Variants in CNTNAP2 observed in about 807,000 individuals in gnomAD.
CNTNAP2 encodes contactin associated protein 2.
In CNTNAP2, 98 loss-of-function variants were observed where a neutral mutation model predicts 155.2. The ratio of observed to expected loss-of-function variants is 0.63; its 90% confidence interval spans 0.54 to 0.75. The LOEUF is 0.75. CNTNAP2 is among the 30% of genes least tolerant of loss of function. The probability of loss-of-function intolerance (pLI) is 0.00; values close to 1 mark genes in which losing one functional copy is unlikely to be tolerated. For missense variants in CNTNAP2, 1,727 were observed against 1,688.1 expected, an observed-to-expected ratio of 1.02 and a Z score of -0.40; for synonymous variants, 651 against 631.2, an observed-to-expected ratio of 1.03 and a Z score of -0.47.
chr7:146,658,904 T>G (rs142565447), intron 1 of CNTNAP2, among the ~76,000 whole-genome samples: 6 of 152,214 alleles, frequency 3.9e-5, no homozygotes, highest in Non-Finnish European at 7.4e-5. Flanking sequence ...AGGCAGAGAT[T>G]AGAAGGTGCT....
intron 1 of CNTNAP2, among the ~76,000 whole-genome samples, chr7:146,212,695 G>A (rs1428018082): frequency 6.6e-6 from 1 of 152,154 alleles, no homozygotes. Flanking sequence ...TCATCAGGGT[G>A]ATGAAAAGGT....
chr7:147,224,986 A>T (rs2116603044), intron 8 of CNTNAP2, among the ~76,000 whole-genome samples: 1 of 152,332 alleles, frequency 6.6e-6, no homozygotes, highest in East Asian at 1.9e-4. Flanking sequence ...TTTTAAAAGC[A>T]AATCTCCCTT....
At chr7:148,009,542 T>A (rs112509414) in intron 15 of CNTNAP2, among the ~76,000 whole-genome samples, 1,850 of 152,266 alleles carry the variant, frequency 0.012, 18 homozygotes, top group Non-Finnish European at 0.017. Flanking sequence ...ATTTGAACCA[T>A]GTTGGGAGAC....
chr7:148,331,600 G>A (rs1441829246), intron 21 of CNTNAP2, among the ~76,000 whole-genome samples: 1 of 152,240 alleles, frequency 6.6e-6, no homozygotes, highest in Non-Finnish European at 1.5e-5. Context: ...TGGAATGGAT[G>A]GATGGAATGG....
Position 147,916,665 on chromosome 7 carries a change from G to A in CNTNAP2, c.2255+12944G>A, listed in dbSNP as rs558121709. On this transcript the variant is annotated intron_variant, in intron 14 of 23. Transcript: ENST00000361727. ...ACTTGCTTGAAAAAGAGGGAGAGCT[G>A]TTATGTTTTCTGAAAAAAAAAAAAA... is the stretch of plus-strand genomic sequence containing the variant. 4.9e-5 allele frequency among the ~76,000 whole-genome samples: 7 copies of A among 142,520 alleles called. No homozygotes were observed. In the South Asian group the frequency reaches 1.7e-3, roughly 34 times the overall value. 93.5% of individuals were successfully genotyped at this position (142,520 alleles called of 152,430 possible).
chr7:147,449,373 A>G (rs1483969560), intron 10 of CNTNAP2, among the ~76,000 whole-genome samples: 1 of 152,122 alleles, frequency 6.6e-6, no homozygotes. Flanking sequence ...GGGCCTCACT[A>G]TGCAAATCTG....
intron 1 of CNTNAP2, among the ~76,000 whole-genome samples, chr7:146,346,125 G>A (rs1188875413): frequency 6.6e-6 from 1 of 152,170 alleles, no homozygotes; most frequent in Non-Finnish European, 1.5e-5. Context: ...AAGAACACAT[G>A]AGTTCTTCCA....
At chr7:146,577,657 A>C (rs1411716274) in intron 1 of CNTNAP2, among the ~76,000 whole-genome samples, 2 of 152,128 alleles carry the variant, frequency 1.3e-5, no homozygotes, top group South Asian at 2.1e-4. Context: ...AAACTCTTGA[A>C]TATCTACATA....
chr7:146,758,377 G>A (rs1480232286), intron 1 of CNTNAP2, among the ~76,000 whole-genome samples: 1 of 152,136 alleles, frequency 6.6e-6, no homozygotes, highest in Non-Finnish European at 1.5e-5. Context: ...CATGGAAGAG[G>A]TTATCCCAGG....
chr7:146,295,009 A>G (rs1047203385), intron 1 of CNTNAP2, among the ~76,000 whole-genome samples: 9 of 152,214 alleles, frequency 5.9e-5, no homozygotes, highest in Non-Finnish European at 1.3e-4. Flanking sequence ...ATCTACATAT[A>G]CAAAATTACC....
At chr7:147,065,727 T>C (rs189146344) in intron 4 of CNTNAP2, among the ~76,000 whole-genome samples, 26 of 152,308 alleles carry the variant, frequency 1.7e-4, no homozygotes, top group Admixed American at 5.2e-4. Context: ...AAACTGGTTA[T>C]TATACTGAAT....
At position 147,179,349 on chromosome 7, in the gene CNTNAP2, C is replaced by T. The variant is rs1381459077; in HGVS notation, c.1348+46840C>T. Among the ~76,000 whole-genome samples the T allele has an allele frequency of 3.9e-5, 6 of 152,102 alleles. No individual in the cohort carries two copies. In the South Asian group the frequency reaches 8.3e-4, roughly 21 times the overall value. On this transcript the variant is annotated intron_variant, in intron 8 of 23. Coordinates refer to ENST00000361727, the MANE Select transcript of CNTNAP2 (RefSeq NM_014141.6). ...ATTATTGAAAGTGGTTAGGGAAGTCCTCTCTGAGGAGACAATATTATAATG... is the reference window on the plus strand; with the variant it reads ...ATTATTGAAAGTGGTTAGGGAAGTCTTCTCTGAGGAGACAATATTATAATG...
chr7:146,260,718 C>G (rs918451168), intron 1 of CNTNAP2, among the ~76,000 whole-genome samples: 3 of 152,150 alleles, frequency 2.0e-5, no homozygotes, highest in Non-Finnish European at 1.5e-5. Context: ...AATTAGCTAA[C>G]TTGTTTTTTA....
chr7:146,396,599 A>C (rs1395412472), intron 1 of CNTNAP2, among the ~76,000 whole-genome samples: 1 of 151,718 alleles, frequency 6.6e-6, no homozygotes, highest in Non-Finnish European at 1.5e-5. Flanking sequence ...ATATGCTGAT[A>C]GCAATGCTGC....
At chr7:147,251,563 C>T (rs907638776) in intron 8 of CNTNAP2, among the ~76,000 whole-genome samples, 1 of 152,144 alleles carries the variant, frequency 6.6e-6, no homozygotes, top group Admixed American at 6.5e-5. Flanking sequence ...GAATTACCTC[C>T]TCTGGAGCTT....
At chr7:147,183,007 T>G (rs1000767963) in intron 8 of CNTNAP2, among the ~76,000 whole-genome samples, 1 of 152,218 alleles carries the variant, frequency 6.6e-6, no homozygotes, top group Non-Finnish European at 1.5e-5. Context: ...TGATTCATTT[T>G]AATCTAATTT....
chr7:146,690,302 C>T (rs1212997320), intron 1 of CNTNAP2, among the ~76,000 whole-genome samples: 1 of 152,142 alleles, frequency 6.6e-6, no homozygotes, highest in Non-Finnish European at 1.5e-5. Context: ...TGATCAGTAA[C>T]CAATCATGAC....
Position 147,127,539 on chromosome 7 carries a change from G to A in CNTNAP2, c.940-1154G>A, listed in dbSNP as rs898015745. Among the ~76,000 whole-genome samples, 6 of 152,044 alleles carry A rather than the reference G, an allele frequency of 3.9e-5. No individual in the cohort carries two copies. In the East Asian group the frequency reaches 5.8e-4, roughly 15 times the overall value. On this transcript the variant is annotated intron_variant, in intron 6 of 23. Transcript: ENST00000361727. ...TGACTTATGCTTCAAATATGAAGTC[G>A]TGATTTTTAAAAATGTCTTCACTGT...
intron 21 of CNTNAP2, among the ~76,000 whole-genome samples, chr7:148,363,725 G>T (rs1000587824): frequency 6.6e-6 from 1 of 152,216 alleles, no homozygotes; most frequent in Non-Finnish European, 1.5e-5. Flanking sequence ...TGGCATTTGA[G>T]GAGCCCTTCA....
Sources: gnomAD v4.1 joint callset for allele counts (sites outside exome capture counted in the v4.1 genomes callset) on GRCh38, gnomAD v4.1.1 for gene constraint, MANE v1.5 for transcripts, NCBI Gene and HGNC (gene_info 2026-07-23, HGNC 2026-07-21) for gene names.